Variants in DPYD observed in about 807,000 individuals in gnomAD.
The protein encoded by DPYD is dihydropyrimidine dehydrogenase, also known as dihydropyrimidine dehydrogenase [NADP(+)].
Under a neutral mutation model 116.2 loss-of-function variants are expected in DPYD, and 109 were observed. The observed-to-expected ratio is 0.94, with a 90% CI of 0.80 to 1.10. The LOEUF (loss-of-function observed/expected upper bound fraction) is 1.10. DPYD is among the 50% of genes least tolerant of loss of function. DPYD has a pLI of 0.00. For missense variants in DPYD, 1,302 were observed against 1,254.5 expected (o/e 1.04, Z -0.57); for synonymous variants, 440 against 432.0 (o/e 1.02, Z -0.23).
At chr1:97,498,383 T>A (rs138919291) in intron 13 of DPYD, among the ~76,000 whole-genome samples, 114 of 151,896 alleles carry the variant, frequency 7.5e-4, no homozygotes, top group African/African-American at 2.3e-3. Flanking sequence ...TATTTTCGTA[T>A]TCTGAATTTT....
chr1:97,194,854 A>C (rs1658637271), intron 19 of DPYD, among the ~76,000 whole-genome samples: 1 of 152,160 alleles, frequency 6.6e-6, no homozygotes, highest in Non-Finnish European at 1.5e-5. Flanking sequence ...AAAAGATTAA[A>C]AAGAAAAGAG....
At chr1:97,859,353 TC>T (rs778118627) in intron 2 of DPYD, among the ~76,000 whole-genome samples, 1 of 152,116 alleles carries the variant, frequency 6.6e-6, no homozygotes, top group African/African-American at 2.4e-5. Context: ...CCAGGAATGA[TC>T]AACCTGGAGA....
intron 3 of DPYD, among the ~76,000 whole-genome samples, chr1:97,749,514 T>A (rs2101093359): frequency 6.6e-6 from 1 of 152,286 alleles, no homozygotes; most frequent in Non-Finnish European, 1.5e-5. Flanking sequence ...AATAGAGAAT[T>A]TTAAAGAGTT....
At chr1:97,500,383 T>C (rs552201149) in intron 13 of DPYD, among the ~76,000 whole-genome samples, 1 of 152,172 alleles carries the variant, frequency 6.6e-6, no homozygotes, top group African/African-American at 2.4e-5. Context: ...TCCAAACTTA[T>C]ATTTGTATCA....
At chr1:97,322,711 CAAGGA>C in intron 16 of DPYD, 1 of 151,888 alleles carries the variant, frequency 6.6e-6, no homozygotes, top group African/African-American at 2.4e-5. Context: ...TTTCAGGTGT[CAAGGA>C]AAGGAAACAT....
chr1:97,455,337 C>T (rs191105020), intron 13 of DPYD, among the ~76,000 whole-genome samples: 5 of 151,828 alleles, frequency 3.3e-5, no homozygotes, highest in Admixed American at 6.6e-5. Flanking sequence ...TAACTGAAAT[C>T]GAAGAAACAT....
intron 20 of DPYD, among the ~76,000 whole-genome samples, chr1:97,179,952 A>G (rs964492435): frequency 6.6e-6 from 1 of 152,190 alleles, no homozygotes; most frequent in Admixed American, 6.5e-5. Flanking sequence ...ATTTCATCTG[A>G]ATGTCTAAAC....
intron 14 of DPYD, among the ~76,000 whole-genome samples, chr1:97,388,130 G>A (rs1672464375): frequency 6.6e-6 from 1 of 152,046 alleles, no homozygotes. Flanking sequence ...GAGAGACATA[G>A]AGAAAAGTAG....
chr1:97,333,530 T>TTG (rs1327837604), intron 16 of DPYD, among the ~76,000 whole-genome samples: 1 of 145,776 alleles, frequency 6.9e-6, no homozygotes, highest in Non-Finnish European at 1.5e-5. Flanking sequence ...TTTTTTTTTT[T>TTG]TTTTTTTTGA....
intron 14 of DPYD, among the ~76,000 whole-genome samples, chr1:97,399,572 G>A (rs1207751849): frequency 1.3e-5 from 2 of 151,930 alleles, no homozygotes; most frequent in African/African-American, 2.4e-5. Context: ...TATTCTTCCT[G>A]TCCATGAGCA....
At chr1:97,611,485 T>C (rs1655946587) in intron 8 of DPYD, among the ~76,000 whole-genome samples, 1 of 152,040 alleles carries the variant, frequency 6.6e-6, no homozygotes, top group South Asian at 2.1e-4. Context: ...TATCTTATTG[T>C]TGAAAATCAA....
intron 19 of DPYD, among the ~76,000 whole-genome samples, chr1:97,212,150 G>C (rs1329901547): frequency 2.0e-5 from 3 of 152,058 alleles, no homozygotes; most frequent in Non-Finnish European, 4.4e-5. Flanking sequence ...GAGTTGTGCA[G>C]CATCACCACA....
chr1:97,797,368 A>C (rs1667624532), intron 3 of DPYD: 1 of 152,168 alleles, frequency 6.6e-6, no homozygotes, highest in East Asian at 1.9e-4. Context: ...TAGGAAGATC[A>C]GTTACTCTGC....
chr1:97,646,071 CA>C (rs1658241782), intron 8 of DPYD, among the ~76,000 whole-genome samples: 1 of 152,040 alleles, frequency 6.6e-6, no homozygotes, highest in South Asian at 2.1e-4. Flanking sequence ...TTGTAAAATA[CA>C]AAAGTTTTCC....
chr1:97,445,242 C>T (rs561522685), intron 14 of DPYD, among the ~76,000 whole-genome samples: 47 of 152,316 alleles, frequency 3.1e-4, no homozygotes, highest in African/African-American at 1.1e-3. Flanking sequence ...TACAAACCAT[C>T]GACTGGTTCT....
intron 3 of DPYD, among the ~76,000 whole-genome samples, chr1:97,793,714 C>T (rs925750933): frequency 2.6e-5 from 4 of 151,908 alleles, no homozygotes; most frequent in Admixed American, 2.0e-4. Flanking sequence ...TAAAATTTAA[C>T]GTGAAATGTA....
At chr1:97,869,382 T>G (rs12137138) in intron 2 of DPYD, among the ~76,000 whole-genome samples, 2,232 of 151,792 alleles carry the variant, frequency 0.015, 24 homozygotes, top group Non-Finnish European at 0.024. Context: ...ATCCTATAAA[T>G]AAGAAATATA....
At chr1:97,501,327 T>C (rs771201096) in intron 13 of DPYD, among the ~76,000 whole-genome samples, 2 of 152,090 alleles carry the variant, frequency 1.3e-5, no homozygotes, top group Non-Finnish European at 2.9e-5. Flanking sequence ...AAATTTACTA[T>C]GAATTATACC....
chr1:97,896,504 T>G (rs2101673446), intron 1 of DPYD, among the ~76,000 whole-genome samples: 1 of 151,972 alleles, frequency 6.6e-6, no homozygotes, highest in African/African-American at 2.4e-5. Context: ...ACTTTATTTT[T>G]TTCTTCATAG....
Sources: gnomAD v4.1 joint callset for allele counts (sites outside exome capture counted in the v4.1 genomes callset) on GRCh38, gnomAD v4.1.1 for gene constraint, MANE v1.5 for transcripts, NCBI Gene and HGNC (gene_info 2026-07-23, HGNC 2026-07-21) for gene names.